Variants in PAK6 observed in about 807,000 individuals in gnomAD.
PAK6 encodes the protein serine/threonine-protein kinase PAK 6.
In PAK6, 33 loss-of-function variants were observed where a neutral mutation model predicts 60.8. That is an observed-to-expected ratio of 0.54 (90% CI 0.41 to 0.73). The LOEUF (loss-of-function observed/expected upper bound fraction) is 0.73, where lower values mean the gene tolerates loss of function less well. PAK6 is among the 30% of genes least tolerant of loss of function. The pLI is 0.00. For synonymous variants in PAK6, 404 were observed against 378.5 expected (o/e 1.07, Z -0.78); for missense variants, 845 against 904.1 (o/e 0.93, Z 0.84).
intron 5 of PAK6, among the ~76,000 whole-genome samples, chr15:40,268,922 G>T (rs2039225277): frequency 6.6e-6 from 1 of 152,230 alleles, no homozygotes; most frequent in Non-Finnish European, 1.5e-5. Flanking sequence ...GCGGGTTCCA[G>T]TGCCTACAGG....
At chr15:40,265,867 C>T (rs751561716) in exon 5 of PAK6, 35 of 1,552,144 alleles carry the variant, frequency 2.3e-5, no homozygotes, top group Non-Finnish European at 3.0e-5. Flanking sequence ...AGCGCGATGC[C>T]TGTGGATGGC....
At chr15:40,264,446 G>A (rs2039065255) in intron 3 of PAK6, 2 of 489,872 alleles carry the variant, frequency 4.1e-6, no homozygotes, top group Non-Finnish European at 8.0e-6. Flanking sequence ...TTGACAGACA[G>A]TGGAATGATA....
intron 2 of PAK6, 127 bp downstream of exon 2, chr15:40,240,808 G>A: frequency 5.9e-6 from 2 of 337,052 alleles, no homozygotes; most frequent in South Asian, 2.1e-5. Context: ...CTGGGTCAAG[G>A]GGCTCCACTC....
At chr15:40,268,147 C>T (rs2039198104) in intron 5 of PAK6, among the ~76,000 whole-genome samples, 3 of 152,184 alleles carry the variant, frequency 2.0e-5, no homozygotes, top group Non-Finnish European at 4.4e-5. Context: ...CACCATACTT[C>T]CAAATCCAGG....
At chr15:40,250,100 G>GACAC (rs1279234605) in intron 2 of PAK6, among the ~76,000 whole-genome samples, 10 of 152,250 alleles carry the variant, frequency 6.6e-5, no homozygotes, top group Non-Finnish European at 1.3e-4. Context: ...TGCTGCAGGA[G>GACAC]ACACTGTCCC....
Position 40,272,221 on chromosome 15 carries a change from C to T in PAK6, c.859-3C>T. The T allele has an allele frequency of 1.2e-6, 2 of 1,603,208 alleles. No individual in the cohort carries two copies. The highest frequency in any genetic ancestry group is 1.7e-6 in the Non-Finnish European group (2 of 1,173,104). On this transcript the variant is annotated splice_region_variant and splice_polypyrimidine_tract_variant and intron_variant, in intron 5 of 10. Transcript: ENST00000560346. ...GACCCTTCCTGTTGCTTTGTCCCTG[C>T]AGCCCAACTCCTCTTTCCGACCGCC...
intron 2 of PAK6, among the ~76,000 whole-genome samples, chr15:40,247,641 G>A (rs1212759285): frequency 5.3e-5 from 8 of 152,188 alleles, no homozygotes; most frequent in Admixed American, 4.6e-4. Context: ...GAGAGAGAGA[G>A]GCTCGAGGTT....
intron 2 of PAK6, among the ~76,000 whole-genome samples, chr15:40,244,026 G>A (rs2038429161): frequency 6.6e-6 from 1 of 152,208 alleles, no homozygotes; most frequent in Admixed American, 6.5e-5. Context: ...CTGGCAAGTA[G>A]CTTAGAAATG....
intron 2 of PAK6, chr15:40,252,891 G>C (rs1028499922): frequency 2.3e-5 from 28 of 1,219,958 alleles, no homozygotes; most frequent in Non-Finnish European, 2.9e-5. Flanking sequence ...CGGGGCATTC[G>C]CGTCCCCGAG....
exon 5 of PAK6, chr15:40,266,274 A>C (rs760437193): frequency 6.2e-7 from 1 of 1,611,560 alleles, no homozygotes; most frequent in Non-Finnish European, 8.5e-7. Context: ...CACGGGCACC[A>C]ATAGGCATGG....
At chr15:40,253,075 G>A (rs1275625693) in intron 2 of PAK6, 103 bp from the exon 3 acceptor site, 5 of 396,240 alleles carry the variant, frequency 1.3e-5, no homozygotes, top group South Asian at 5.5e-5. Context: ...GTCGGGAGGC[G>A]GGCGCGGAGC....
chr15:40,268,907 G>A (rs115648194), intron 5 of PAK6, among the ~76,000 whole-genome samples: 1,975 of 152,346 alleles, frequency 0.013, 42 homozygotes, highest in African/African-American at 0.043. Context: ...AGCCACGGGC[G>A]TCCTGCGGGT....
chr15:40,252,708 C>T (rs1463583813), intron 2 of PAK6: 2 of 1,305,140 alleles, frequency 1.5e-6, no homozygotes, highest in Admixed American at 2.3e-5. Context: ...TCCCCGGCTG[C>T]CCCGGAGGTT....
Position 40,275,989 on chromosome 15 carries a change from C to T in PAK6, c.1941C>T (p.Ala647=), listed in dbSNP as rs746811560. Reference sequence around the variant, plus strand: ...TGGTGCGGGACCCCCAAGAGAGAGCCACAGCCCAGGAGCTCCTAGACCACC... The same window carrying T: ...TGGTGCGGGACCCCCAAGAGAGAGCTACAGCCCAGGAGCTCCTAGACCACC... The change falls in exon 11 of 11, where the codon GCC becomes GCT. Residue 647 remains alanine, a synonymous_variant. Coordinates refer to ENST00000560346, the Ensembl canonical transcript of PAK6. 7 of 1,613,484 alleles carry T rather than the reference C, an allele frequency of 4.3e-6. No homozygotes were observed. The Admixed American group carries it at 8.3e-5, about 19-fold the overall frequency.
intron 2 of PAK6, among the ~76,000 whole-genome samples, chr15:40,244,541 G>A (rs1182412057): frequency 6.6e-6 from 1 of 151,604 alleles, no homozygotes; most frequent in Non-Finnish European, 1.5e-5. Context: ...GGGATTACAA[G>A]CACCCACCAC....
At chr15:40,270,705 G>A (rs2039277054) in intron 5 of PAK6, among the ~76,000 whole-genome samples, 2 of 152,268 alleles carry the variant, frequency 1.3e-5, no homozygotes, top group Admixed American at 1.3e-4. Context: ...CAGGGATGGA[G>A]TGAGTCCAGG....
intron 5 of PAK6, among the ~76,000 whole-genome samples, chr15:40,269,437 G>A (rs1398961532): frequency 6.6e-6 from 1 of 152,254 alleles, no homozygotes; most frequent in Non-Finnish European, 1.5e-5. Flanking sequence ...ATGAGGCATT[G>A]CTGTAAATGT....
At chr15:40,258,172 C>A (rs1418283006) in intron 3 of PAK6, among the ~76,000 whole-genome samples, 1 of 152,202 alleles carries the variant, frequency 6.6e-6, no homozygotes, top group Non-Finnish European at 1.5e-5. Flanking sequence ...AGCCCCAGGC[C>A]CCCTGGCCTC....
chr15:40,241,084 A>C (rs571855725), intron 2 of PAK6, among the ~76,000 whole-genome samples: 1 of 152,000 alleles, frequency 6.6e-6, no homozygotes, highest in African/African-American at 2.4e-5. Context: ...GCTGGGTTTG[A>C]CCTGGCACAG....
Sources: allele counts gnomAD v4.1 joint callset (sites outside exome capture counted in the v4.1 genomes callset), GRCh38; gene constraint gnomAD v4.1.1; transcripts MANE v1.5; gene names NCBI Gene and HGNC (gene_info 2026-07-23, HGNC 2026-07-21).